Variants in AGAP1 observed in about 807,000 individuals in gnomAD.
AGAP1 encodes the protein ArfGAP with GTPase domain, ankyrin repeat and PH domain 1, also known as arf-GAP with GTPase, ANK repeat and PH domain-containing protein 1.
AGAP1 carries 29 observed loss-of-function variants against 105.3 expected under a neutral mutation model. The observed-to-expected ratio is 0.28, with a 90% confidence interval of 0.21 to 0.38. The LOEUF (loss-of-function observed/expected upper bound fraction) is 0.38. AGAP1 is among the 10% of genes least tolerant of loss of function. AGAP1 has a pLI of 1.00. For missense variants in AGAP1, 998 were observed against 1,165.1 expected (o/e 0.86, Z 2.09); for synonymous variants, 509 against 485.9 (o/e 1.05, Z -0.63).
At chr2:235,626,512 T>C (rs1312639729) in intron 1 of AGAP1, among the ~76,000 whole-genome samples, 1 of 152,036 alleles carries the variant, frequency 6.6e-6, no homozygotes, top group Non-Finnish European at 1.5e-5. Flanking sequence ...TACATATGTC[T>C]ATAGCAGTCT....
chr2:235,499,011 G>A (rs1341383588), intron 1 of AGAP1, among the ~76,000 whole-genome samples: 2 of 152,344 alleles, frequency 1.3e-5, no homozygotes, highest in East Asian at 3.9e-4. Context: ...TGTTGAGCAT[G>A]TGTGTCCCAC....
At chr2:235,653,470 TAAATAAAATAAAATA>T (rs749611997) in intron 1 of AGAP1, among the ~76,000 whole-genome samples, 1 of 143,424 alleles carries the variant, frequency 7.0e-6, no homozygotes, top group Non-Finnish European at 1.5e-5. Context: ...ATCTCAAAAA[TAAATAAAATAAAATA>T]AAATAAAATA....
chr2:235,507,199 CGTGCCGACTGACTAAGGA>C (rs1196928920), intron 1 of AGAP1: 2 of 152,828 alleles, frequency 1.3e-5, no homozygotes, highest in East Asian at 3.9e-4. Context: ...GAGTGTCCTG[CGTGCCGACTGACTAAGGA>C]GTTTTTGTCT....
chr2:235,691,709 C>A lies in AGAP1; in HGVS notation c.164-17470C>A, dbSNP rs1403135669. Among the ~76,000 whole-genome samples the A allele has an allele frequency of 6.6e-6, 1 of 152,206 alleles. No individual in the cohort carries two copies. The highest frequency in any genetic ancestry group is 1.9e-4 in the East Asian group (1 of 5,188). On this transcript the variant is annotated intron_variant, in intron 1 of 17. Coordinates refer to ENST00000304032, the MANE Select transcript of AGAP1 (RefSeq NM_001037131.3). The surrounding 1 kb of genome is among the most constrained non-coding windows in gnomAD (Gnocchi z 4.4). Reference sequence around the variant, plus strand: ...GCTGCAAGCTGGGGAACTGAGGGGCCTCTTGGTCTGGGGACCACGCCTCCC... The same window carrying A: ...GCTGCAAGCTGGGGAACTGAGGGGCATCTTGGTCTGGGGACCACGCCTCCC...
chr2:235,818,624 G>A (rs1958598481), intron 9 of AGAP1, among the ~76,000 whole-genome samples: 1 of 152,246 alleles, frequency 6.6e-6, no homozygotes, highest in East Asian at 1.9e-4. Context: ...TGTATTTTTA[G>A]TAGTGGCAGG....
rs183259816 is a variant in AGAP1, at chr2:235,953,934, A to G, written c.1484-14528A>G. 2.0e-5 allele frequency among the ~76,000 whole-genome samples: 3 copies of G among 152,106 alleles called. No homozygotes were observed. Among genetic ancestry groups the G allele is most frequent in the Non-Finnish European group, 4.4e-5 (3 of 68,032 alleles). On this transcript the variant is annotated intron_variant, in intron 12 of 17. Transcript: ENST00000304032. This position sits in a 1 kb window ranked among gnomAD's most constrained non-coding sequence, Gnocchi z 5.2. ...AGACATTGTCTGAAAAAGAAAATGTACTTTTAAAAATCAGGCCAGGCACAG... is the reference window on the plus strand; with the variant it reads ...AGACATTGTCTGAAAAAGAAAATGTGCTTTTAAAAATCAGGCCAGGCACAG...
rs1040015634 is a variant in AGAP1 at position 235,777,935 on chromosome 2, G to A, written c.674-19824G>A. Among the ~76,000 whole-genome samples, 4 of 152,134 alleles carry A rather than the reference G, an allele frequency of 2.6e-5. No individual in the cohort carries two copies. The highest frequency in any genetic ancestry group is 9.7e-5 in the African/African-American group (4 of 41,402). On this transcript the variant is annotated intron_variant, in intron 6 of 17. Transcript: ENST00000304032. This position sits in a 1 kb window ranked among gnomAD's most constrained non-coding sequence, Gnocchi z 5.1. Reference sequence around the variant, plus strand: ...ATGTTTGTAGTGGTTGGAAGGAGGGGACTTCCTTGGCCCCTCCTGGCTCTG... The same window carrying A: ...ATGTTTGTAGTGGTTGGAAGGAGGGAACTTCCTTGGCCCCTCCTGGCTCTG...
intron 15 of AGAP1, among the ~76,000 whole-genome samples, chr2:236,043,763 A>G (rs1287635771): frequency 2.6e-5 from 4 of 151,952 alleles, no homozygotes; most frequent in East Asian, 3.9e-4. Flanking sequence ...ATTGAGATAA[A>G]GAAACTTCAT....
chr2:235,772,000 T>G (rs1955496259), intron 6 of AGAP1, among the ~76,000 whole-genome samples: 1 of 135,006 alleles, frequency 7.4e-6, no homozygotes, highest in South Asian at 2.2e-4. Context: ...TTTTCTTATC[T>G]TTTTTTTTTT....
At position 235,797,796 on chromosome 2, in the gene AGAP1, G is replaced by T; in HGVS notation, c.711G>T (p.Gln237His). ...TTGTTGCCACAAGGAAGAAGCAGCA[G>T]CTGTCCATAGGACCCTGCAAGTCGC... ...QKIVATRKKQ[Q>H]LSIGPCKSLP... Residue 237 changes from glutamine (Q) to histidine (H), a missense_variant, in exon 7 of 18, where the codon CAG becomes CAT. This residue lies in a region of AGAP1 where 735 missense variants were observed against 833.4 expected (regional missense o/e 0.88). Transcript: ENST00000304032. 6.2e-7 allele frequency: 1 copy of T among 1,614,166 alleles called. No homozygotes were observed. Among genetic ancestry groups the T allele is most frequent in the Admixed American group, 1.7e-5 (1 of 60,030 alleles).
chr2:236,079,555 CA>C (rs1559255071), intron 16 of AGAP1, among the ~76,000 whole-genome samples: 1 of 62,362 alleles, frequency 1.6e-5, no homozygotes, highest in African/African-American at 2.2e-4. Context: ...TATATATATA[CA>C]CACACACACA....
chr2:235,583,544 A>G (rs1406090745), intron 1 of AGAP1, among the ~76,000 whole-genome samples: 1 of 146,018 alleles, frequency 6.8e-6, no homozygotes, highest in Non-Finnish European at 1.5e-5. Context: ...GCACCACCAT[A>G]CCTGGCTAAT....
chr2:236,115,094 T>G (rs1031999129), intron 16 of AGAP1, among the ~76,000 whole-genome samples: 1 of 152,200 alleles, frequency 6.6e-6, no homozygotes, highest in Non-Finnish European at 1.5e-5. Flanking sequence ...TTTAGAAGCC[T>G]CCCGTGCCCA....
At chr2:235,955,155 G>T (rs2053893655) in intron 12 of AGAP1, among the ~76,000 whole-genome samples, 1 of 152,204 alleles carries the variant, frequency 6.6e-6, no homozygotes, top group Admixed American at 6.5e-5. Flanking sequence ...GGGTCACGTG[G>T]CCAGGTGGCT....
At chr2:236,094,378 A>G (rs533265198) in intron 16 of AGAP1, among the ~76,000 whole-genome samples, 122 of 148,032 alleles carry the variant, frequency 8.2e-4, no homozygotes, top group African/African-American at 3.0e-3. Flanking sequence ...TTTTTTTTAG[A>G]CAGGGTCTCT....
At chr2:235,565,810 G>A (rs906937483) in intron 1 of AGAP1, among the ~76,000 whole-genome samples, 3 of 152,008 alleles carry the variant, frequency 2.0e-5, no homozygotes, top group Admixed American at 6.6e-5. Context: ...ACAGGTGCAC[G>A]CCACCACGCC....
chr2:235,555,203 T>C lies in AGAP1; in HGVS notation c.163+60354T>C, dbSNP rs1943935450. The stretch of plus-strand genomic sequence containing the variant: ...GTCTTTCTTAAAGGAGCCAGAGGCT[T>C]GCCCGCCCTGCAGTGCCATCCTTCT... On this transcript the variant is annotated intron_variant, in intron 1 of 17. Coordinates refer to ENST00000304032, the MANE Select transcript of AGAP1 (RefSeq NM_001037131.3). This position sits in a 1 kb window ranked among gnomAD's most constrained non-coding sequence, Gnocchi z 5.1. Among the ~76,000 whole-genome samples the C allele has an allele frequency of 6.6e-6, 1 of 152,166 alleles. No homozygotes were observed. The highest frequency in any genetic ancestry group is 1.5e-5 in the Non-Finnish European group (1 of 68,030).
At chr2:235,607,115 A>G (rs1945967831) in intron 1 of AGAP1, among the ~76,000 whole-genome samples, 1 of 152,154 alleles carries the variant, frequency 6.6e-6, no homozygotes, top group South Asian at 2.1e-4. Context: ...CAGCTGGGTA[A>G]GGGACGTTTC....
Position 235,553,783 on chromosome 2 carries a change from G to A in AGAP1, c.163+58934G>A, listed in dbSNP as rs983979130. Among the ~76,000 whole-genome samples the A allele has an allele frequency of 3.9e-5, 6 of 152,126 alleles. No individual in the cohort carries two copies. Among genetic ancestry groups the A allele is most frequent in the Non-Finnish European group, 7.4e-5 (5 of 68,024 alleles). On this transcript the variant is annotated intron_variant, in intron 1 of 17. Transcript: ENST00000304032. This position sits in a 1 kb window ranked among gnomAD's most constrained non-coding sequence, Gnocchi z 4.5. The stretch of plus-strand genomic sequence containing the variant: ...GCACCTCTGAGCACATGTGACATTC[G>A]TAAGTGGCACTCCTCATGCTGAGCA...
Sources: gnomAD v4.1 joint callset for allele counts (sites outside exome capture counted in the v4.1 genomes callset) on GRCh38, gnomAD v4.1.1 for gene constraint, gnomAD v4.1.1 regional missense constraint, Gnocchi (gnomAD v3.1) non-coding constraint, MANE v1.5 for transcripts, NCBI Gene and HGNC (gene_info 2026-07-23, HGNC 2026-07-21) for gene names.